Variants in PALS1 observed in about 807,000 individuals in gnomAD.
PALS1 encodes protein PALS1.
In PALS1, 31 loss-of-function variants were observed where a neutral mutation model predicts 78.9. The observed-to-expected ratio is 0.39, with a 90% CI of 0.30 to 0.53. PALS1 has a LOEUF of 0.53. Among genes scored for constraint, PALS1 ranks in the 20% least tolerant of loss-of-function variants. PALS1 has a pLI of 0.67. For missense variants in PALS1, 704 were observed against 826.5 expected, an observed-to-expected ratio of 0.85 and a Z score of 1.82; for synonymous variants, 276 against 270.9, an observed-to-expected ratio of 1.02 and a Z score of -0.18.
chr14:67,330,243 A>G (rs767475894), intron 14 of PALS1, among the ~76,000 whole-genome samples: 12 of 151,164 alleles, frequency 7.9e-5, no homozygotes, highest in Admixed American at 4.6e-4. Context: ...TCTCTTTTCT[A>G]TTTAATTCAT....
rs200119389 is a variant in PALS1 at position 67,311,565 on chromosome 14, T to G, written c.1042-962T>G. On this transcript the variant is annotated intron_variant, in intron 8 of 14. Transcript: ENST00000261681. ...GCAACTTGCCCAGGTTAGGTAAAAA[T>G]TAGACATGGGGAAATTAAAGAGAAT... 8.4e-4 allele frequency among the ~76,000 whole-genome samples: 128 copies of G among 152,262 alleles called. 2 individuals carry two copies. In the East Asian group the frequency reaches 0.024, roughly 29 times the overall value.
At chr14:67,307,211 T>G (rs2140920808) in intron 8 of PALS1, among the ~76,000 whole-genome samples, 1 of 152,318 alleles carries the variant, frequency 6.6e-6, no homozygotes, top group South Asian at 2.1e-4. Context: ...AATGCATACA[T>G]TATTCAAACG....
chr14:67,256,075 A>C (rs921191356), intron 1 of PALS1, among the ~76,000 whole-genome samples: 3 of 149,740 alleles, frequency 2.0e-5, no homozygotes, highest in Non-Finnish European at 2.9e-5. Flanking sequence ...TTTTTCCTCA[A>C]ATTATAAAAG....
At chr14:67,331,916 A>G (rs2085456104) in intron 14 of PALS1, among the ~76,000 whole-genome samples, 1 of 152,142 alleles carries the variant, frequency 6.6e-6, no homozygotes, top group East Asian at 1.9e-4. Context: ...CCATATTCAG[A>G]TGTACAACAT....
Position 67,323,261 on chromosome 14 carries a change from G to GTA in PALS1, c.1741-429_1741-428dup, listed in dbSNP as rs58770441. Among the ~76,000 whole-genome samples, 558 of 124,182 alleles carry GTA rather than the reference G, an allele frequency of 4.5e-3. 18 individuals carry two copies. The East Asian group carries it at 0.059, about 13-fold the overall frequency. The allele number at this position is 124,182 out of a possible 152,430, so 81.5% of individuals were successfully genotyped here. On this transcript the variant is annotated intron_variant, in intron 13 of 14. Transcript: ENST00000261681. Reference sequence around the variant, plus strand: ...TGTGTGTGTGTGTGTGTGTGTGTGTGTATATATATATATGGCTTCACAGTA... The same window carrying GTA: ...TGTGTGTGTGTGTGTGTGTGTGTGTGTATATATATATATATGGCTTCACAGTA...
At chr14:67,317,059 A>G (rs2085187308) in intron 10 of PALS1, among the ~76,000 whole-genome samples, 156 bp downstream of exon 10, 1 of 152,270 alleles carries the variant, frequency 6.6e-6, no homozygotes, top group Admixed American at 6.5e-5. Context: ...AAAGGATAAG[A>G]TTTAAGTATT....
chr14:67,243,025 G>A (rs2083927167), intron 1 of PALS1, among the ~76,000 whole-genome samples: 1 of 151,978 alleles, frequency 6.6e-6, no homozygotes, highest in South Asian at 2.1e-4. Flanking sequence ...ATCTCCTGAG[G>A]GCTGTGTCAT....
chr14:67,273,482 A>G (rs1042966318), intron 2 of PALS1, among the ~76,000 whole-genome samples: 7 of 152,150 alleles, frequency 4.6e-5, no homozygotes, highest in African/African-American at 1.7e-4. Context: ...ATAGTATTCC[A>G]TGGTGTATGT....
intron 4 of PALS1, among the ~76,000 whole-genome samples, chr14:67,299,928 A>G (rs1056243702): frequency 3.3e-5 from 5 of 152,234 alleles, no homozygotes; most frequent in African/African-American, 9.6e-5. Flanking sequence ...TGTATGATCA[A>G]GACTACAAAT....
chr14:67,312,425 TA>T, intron 8 of PALS1, 101 bp from the exon 9 acceptor site: 3 of 852,256 alleles, frequency 3.5e-6, no homozygotes, highest in South Asian at 3.4e-5. Context: ...TAAATTTTTT[TA>T]AAATTAAAAA....
At chr14:67,250,992 C>G (rs1000968757) in intron 1 of PALS1, among the ~76,000 whole-genome samples, 14 of 152,142 alleles carry the variant, frequency 9.2e-5, no homozygotes, top group African/African-American at 3.1e-4. Flanking sequence ...AACTACATTT[C>G]AAGTTCTTTG....
intron 2 of PALS1, among the ~76,000 whole-genome samples, chr14:67,277,989 C>T (rs139414960): frequency 1.7e-4 from 26 of 151,656 alleles, no homozygotes; most frequent in African/African-American, 6.3e-4. Flanking sequence ...CAGATACAAC[C>T]GTTTTCTCTA....
In PALS1 at chr14:67,334,465, C is replaced by CATT. The variant is rs747463001; in HGVS notation, c.*1510_*1512dup. 5 of 152,622 alleles carry CATT rather than the reference C, an allele frequency of 3.3e-5. No homozygotes were observed. Among genetic ancestry groups the CATT allele is most frequent in the Non-Finnish European group, 5.9e-5 (4 of 68,036 alleles). 9.5% of individuals were successfully genotyped at this position (152,622 alleles called of 1,614,324 possible). On this transcript the variant is annotated 3_prime_UTR_variant, in exon 15 of 15. Coordinates refer to ENST00000261681, the MANE Select transcript of PALS1 (RefSeq NM_022474.4). ...CTAAACACTGGAATAATACTGACAT[C>CATT]ATTTAATTTAACATAAGCAATTATG... is the stretch of plus-strand genomic sequence containing the variant.
At chr14:67,245,909 A>G (rs916714095) in intron 1 of PALS1, among the ~76,000 whole-genome samples, 2 of 151,814 alleles carry the variant, frequency 1.3e-5, no homozygotes, top group African/African-American at 2.4e-5. Flanking sequence ...TTTTAGATCT[A>G]TGTTCCATTT....
intron 8 of PALS1, among the ~76,000 whole-genome samples, chr14:67,309,994 T>G (rs905772257): frequency 3.2e-4 from 48 of 149,514 alleles, no homozygotes; most frequent in African/African-American, 1.1e-3. Context: ...TTCTCAAGGT[T>G]TTTTTTTTTT....
intron 1 of PALS1, among the ~76,000 whole-genome samples, chr14:67,261,204 G>C (rs959780861): frequency 2.4e-4 from 37 of 152,258 alleles, no homozygotes; most frequent in African/African-American, 8.9e-4. Flanking sequence ...ACACTGTTGT[G>C]GTGGTAGGAG....
Position 67,323,800 on chromosome 14 carries a change from C to T in PALS1, c.1839C>T (p.Gly613=). ...TTCGGGCATTATTGGCCAAAGAAGGCAAGAATCCAAAGGTAAAGTTTTCAC... is the reference window on the plus strand; with the variant it reads ...TTCGGGCATTATTGGCCAAAGAAGGTAAGAATCCAAAGGTAAAGTTTTCAC... ...ERLRALLAKE[G]KNPKPEELRE... Residue 613 remains glycine, a synonymous_variant, in exon 14 of 15, where the codon GGC becomes GGT. Coordinates refer to ENST00000261681, the MANE Select transcript of PALS1 (RefSeq NM_022474.4). 6.4e-7 allele frequency: 1 copy of T among 1,562,940 alleles called. No individual in the cohort carries two copies. The highest frequency in any genetic ancestry group is 1.8e-5 in the Admixed American group (1 of 55,368).
At chr14:67,249,005 C>T (rs770469301) in intron 1 of PALS1, among the ~76,000 whole-genome samples, 30 of 151,572 alleles carry the variant, frequency 2.0e-4, no homozygotes, top group Non-Finnish European at 3.1e-4. Context: ...CTCTGTCCCC[C>T]AGGCTGGAGT....
intron 1 of PALS1, among the ~76,000 whole-genome samples, chr14:67,268,972 CAATT>C (rs1400803243): frequency 2.0e-5 from 3 of 152,176 alleles, no homozygotes; most frequent in Admixed American, 6.5e-5. Context: ...ACCATCACCA[CAATT>C]AATTTGCATC....
Sources: allele counts gnomAD v4.1 joint callset (sites outside exome capture counted in the v4.1 genomes callset), GRCh38; gene constraint gnomAD v4.1.1; transcripts MANE v1.5; gene names NCBI Gene and HGNC (gene_info 2026-07-23, HGNC 2026-07-21).